Variants in ERCC8 observed in about 807,000 individuals in gnomAD.
The protein encoded by ERCC8 is ERCC excision repair 8, CSA ubiquitin ligase complex subunit.
In ERCC8, 52 loss-of-function variants were observed where a neutral mutation model predicts 54.9. The observed-to-expected ratio is 0.95, with a 90% CI of 0.76 to 1.19. ERCC8 has a LOEUF of 1.19. ERCC8 is among the 50% of genes most tolerant of loss of function. The pLI, the probability that ERCC8 is intolerant of heterozygous loss-of-function variation, is 0.00. For missense variants in ERCC8, 514 were observed against 466.1 expected, an observed-to-expected ratio of 1.10 and a Z score of -0.95; for synonymous variants, 146 against 157.2, an observed-to-expected ratio of 0.93 and a Z score of 0.53.
At chr5:60,920,816 T>C (rs1166178659) in intron 3 of ERCC8, among the ~76,000 whole-genome samples, 2 of 151,936 alleles carry the variant, frequency 1.3e-5, no homozygotes, top group African/African-American at 2.4e-5. Flanking sequence ...CGGAATATTA[T>C]GTAGCACGTA....
intron 1 of ERCC8, among the ~76,000 whole-genome samples, chr5:60,934,494 G>A (rs290514): frequency 0.66 from 100,425 of 152,038 alleles, 33,552 homozygotes; most frequent in East Asian, 0.94. Flanking sequence ...GGATGTATAG[G>A]TTGTGAAGAT....
intron 2 of ERCC8, among the ~76,000 whole-genome samples, chr5:60,927,913 C>T (rs745771737): frequency 5.9e-5 from 9 of 152,138 alleles, no homozygotes; most frequent in Non-Finnish European, 1.3e-4. Flanking sequence ...GGAAGTTTAT[C>T]AAATCTGTTC....
Position 60,890,964 on chromosome 5 carries a change from G to T in ERCC8, c.966C>A (p.Tyr322Ter), listed in dbSNP as rs121434323. ...YGSTIAVYTV[Y>*]SGEQITMLKG... ...TAAGCATAGTTATCTGTTCTCCTGA[G>T]TAAACTGTATAAACAGCAATGGTGC... Residue 322 changes from tyrosine to a stop codon, truncating the protein, a stop_gained, in exon 10 of 12, where the codon TAC (tyrosine) becomes TAA (stop). Coordinates refer to ENST00000676185, the MANE Select transcript of ERCC8 (RefSeq NM_000082.4). LOFTEE classifies it high-confidence loss of function. 5.0e-6 allele frequency: 8 copies of T among 1,613,418 alleles called. No individual in the cohort carries two copies. In the Middle Eastern group the frequency reaches 8.3e-4, roughly 167 times the overall value.
intron 1 of ERCC8, among the ~76,000 whole-genome samples, chr5:60,938,090 A>ATATATAT (rs1561519206): frequency 1.4e-4 from 3 of 21,844 alleles, no homozygotes; most frequent in Admixed American, 7.4e-4. Flanking sequence ...TATATATTTT[A>ATATATAT]TTTTTTTTTT....
chr5:60,874,423 T>G lies in ERCC8; in HGVS notation c.*192A>C. On this transcript the variant is annotated 3_prime_UTR_variant, in exon 12 of 12. Coordinates refer to ENST00000676185, the MANE Select transcript of ERCC8 (RefSeq NM_000082.4). Reference sequence around the variant, plus strand: ...CAACATCTGGGATCAAGGAACACATTTTGACTAAATAAACTATACAGAAGT... The same window carrying G: ...CAACATCTGGGATCAAGGAACACATGTTGACTAAATAAACTATACAGAAGT... The G allele has an allele frequency of 5.2e-6, 3 of 577,812 alleles. No individual in the cohort carries two copies. The highest frequency in any genetic ancestry group is 9.2e-6 in the Non-Finnish European group (3 of 326,780). 35.8% of individuals were successfully genotyped at this position (577,812 alleles called of 1,614,324 possible).
At chr5:60,942,944 A>T (rs1247561606) in intron 1 of ERCC8, among the ~76,000 whole-genome samples, 1 of 152,192 alleles carries the variant, frequency 6.6e-6, no homozygotes, top group African/African-American at 2.4e-5. Context: ...ATAATTGTTT[A>T]AGCAAAAACA....
chr5:60,912,725 G>A (rs1015843680), intron 4 of ERCC8, among the ~76,000 whole-genome samples: 2 of 152,010 alleles, frequency 1.3e-5, no homozygotes, highest in African/African-American at 4.8e-5. Context: ...ATTGGCTGTG[G>A]GTTTGTCATA....
chr5:60,877,549 C>A (rs1412879406), intron 11 of ERCC8, among the ~76,000 whole-genome samples: 1 of 152,078 alleles, frequency 6.6e-6, no homozygotes, highest in Non-Finnish European at 1.5e-5. Flanking sequence ...CTTTTATTTC[C>A]TTGAGCAGTG....
chr5:60,905,928 T>C (rs1283624512), intron 4 of ERCC8, among the ~76,000 whole-genome samples: 1 of 151,936 alleles, frequency 6.6e-6, no homozygotes. Context: ...GGGGGTGCAA[T>C]CATAAGGGTG....
In ERCC8 at chr5:60,872,443, T is replaced by C. The variant is rs1375368247; in HGVS notation, c.*2172A>G. Among the ~76,000 whole-genome samples, 1 of 151,982 alleles carries C rather than the reference T, an allele frequency of 6.6e-6. No individual in the cohort carries two copies. Among genetic ancestry groups the C allele is most frequent in the Non-Finnish European group, 1.5e-5 (1 of 67,968 alleles). ...TATCCAAAATACATAAGGAACTCAA[T>C]AGCAGGAAAACAACCCATTTAAAAA... On this transcript the variant is annotated 3_prime_UTR_variant, in exon 12 of 12. Coordinates refer to ENST00000676185, the MANE Select transcript of ERCC8 (RefSeq NM_000082.4).
intron 9 of ERCC8, chr5:60,892,962 A>G (rs1046330464): frequency 1.3e-6 from 1 of 763,062 alleles, no homozygotes; most frequent in Non-Finnish European, 2.5e-6. Flanking sequence ...AACCCTCATG[A>G]GGTTTTCAGC....
chr5:60,917,469 C>T (rs1388181941), intron 4 of ERCC8: 1 of 151,974 alleles, frequency 6.6e-6, no homozygotes, highest in Non-Finnish European at 1.5e-5. Context: ...CATGATGAAA[C>T]TGCTTTATAA....
Position 60,895,387 on chromosome 5 carries a change from T to C in ERCC8, c.843+2889A>G, listed in dbSNP as rs78317809. On this transcript the variant is annotated intron_variant, in intron 9 of 11. Transcript: ENST00000676185. ...TAGCTACCTCATGGCAGTAGCAGTA[T>C]AGTGGGTTAAATATTAAACTCATTT... 7.5e-3 allele frequency among the ~76,000 whole-genome samples: 1,142 copies of C among 152,272 alleles called. 13 individuals carry two copies. The highest frequency in any genetic ancestry group is 0.026 in the African/African-American group (1,084 of 41,544).
rs1462558492 is a variant in ERCC8, at chr5:60,904,630, GTGTGTATATATATATATA to G, written c.481+144_481+161del. On this transcript the variant is annotated intron_variant, in intron 5 of 11. Transcript: ENST00000676185. ...TCTGTTGAATATATATAGTGTGTGTGTGTGTATATATATATATATATATATATATATATATATATATAT... is the reference window on the plus strand; with the variant it reads ...TCTGTTGAATATATATAGTGTGTGTGTATATATATATATATATATATATAT... Among the ~76,000 whole-genome samples the G allele has an allele frequency of 8.5e-4, 38 of 44,580 alleles. 1 individual carries two copies. Among genetic ancestry groups the G allele is most frequent in the East Asian group, 7.5e-3 (5 of 666 alleles). The allele number at this position is 44,580 out of a possible 152,430, so 29.2% of individuals were successfully genotyped here. A position where few individuals can be genotyped will look rare whatever the true frequency, so the allele number is the denominator to read the frequency against.
At chr5:60,911,141 A>G (rs1580013320) in intron 4 of ERCC8, among the ~76,000 whole-genome samples, 1 of 152,250 alleles carries the variant, frequency 6.6e-6, no homozygotes, top group East Asian at 1.9e-4. Flanking sequence ...TATATGTGCC[A>G]TGTTGGTTTG....
rs1747789788 is a variant in ERCC8, at chr5:60,868,055, C to G, written c.*6560G>C. ...ATAAGCCAGGCATGGTGGCGCATGC[C>G]TGTAATCCCAGCTACTTGGGAGGCT... On this transcript the variant is annotated 3_prime_UTR_variant, in exon 12 of 12. Transcript: ENST00000676185. Among the ~76,000 whole-genome samples the G allele has an allele frequency of 6.6e-6, 1 of 152,200 alleles. No individual in the cohort carries two copies. Among genetic ancestry groups the G allele is most frequent in the Non-Finnish European group, 1.5e-5 (1 of 68,032 alleles).
At chr5:60,896,046 G>T (rs1423444450) in intron 9 of ERCC8, among the ~76,000 whole-genome samples, 1 of 152,076 alleles carries the variant, frequency 6.6e-6, no homozygotes, top group East Asian at 1.9e-4. Context: ...CAGTGCAATG[G>T]CATGCTCTCG....
intron 4 of ERCC8, among the ~76,000 whole-genome samples, chr5:60,910,360 T>C (rs914866002): frequency 6.6e-6 from 1 of 152,164 alleles, no homozygotes; most frequent in Non-Finnish European, 1.5e-5. Flanking sequence ...AAGAGTGCCC[T>C]GCTGTTTTGC....
At chr5:60,910,377 A>G (rs1280438158) in intron 4 of ERCC8, among the ~76,000 whole-genome samples, 3 of 152,154 alleles carry the variant, frequency 2.0e-5, no homozygotes, top group African/African-American at 7.2e-5. Context: ...TTGCATTTCC[A>G]TATGAACATT....
Sources: gnomAD v4.1 joint callset for allele counts (sites outside exome capture counted in the v4.1 genomes callset) on GRCh38, gnomAD v4.1.1 for gene constraint, MANE v1.5 for transcripts, NCBI Gene and HGNC (gene_info 2026-07-23, HGNC 2026-07-21) for gene names.